TCF20: variants seen among roughly 807,000 people sequenced by gnomAD.
TCF20 encodes SPRE-binding protein.
In TCF20, 3 loss-of-function variants were observed where a neutral mutation model predicts 148.6. That is an observed-to-expected ratio of 0.02 (90% CI 0.01 to 0.05). The LOEUF is 0.05. Ranked by LOEUF, TCF20 falls within the 10% of genes least tolerant of loss-of-function variation. TCF20 has a pLI of 1.00. For missense variants in TCF20, 2,350 were observed against 2,429.3 expected, an observed-to-expected ratio of 0.97 and a Z score of 0.69; for synonymous variants, 1,049 against 909.5, an observed-to-expected ratio of 1.15 and a Z score of -2.76.
intron 1 of TCF20, among the ~76,000 whole-genome samples, chr22:42,223,255 A>C (rs1601618302): frequency 6.6e-6 from 1 of 152,324 alleles, no homozygotes; most frequent in African/African-American, 2.4e-5. Context: ...AAATTAATGT[A>C]ATTTTTTCCA....
At chr22:42,305,055 C>T (rs2147036765) in intron 1 of TCF20, among the ~76,000 whole-genome samples, 1 of 152,014 alleles carries the variant, frequency 6.6e-6, no homozygotes, top group Non-Finnish European at 1.5e-5. Context: ...CACAGCAGAC[C>T]CTCTCCCTGG....
In TCF20 at chr22:42,211,605, C is replaced by G. The variant is rs370419843; in HGVS notation, c.3701G>C (p.Ser1234Thr). ...CTGGCCTGGAAGTCTCAGCATAACA[C>G]TACCAGGTTTGGATGACTGTGTAGC... Reference protein sequence around the residue: ...AEATQSSKPGSVMLRLPGQED... With the variant: ...AEATQSSKPGTVMLRLPGQED... Residue 1234 changes from serine to threonine, a missense_variant, in exon 2 of 6, where the codon AGT becomes ACT. Ser to Thr is a moderately conservative substitution (Grantham distance 58). Transcript: ENST00000677622. The G allele has an allele frequency of 1.2e-6, 2 of 1,614,218 alleles. No individual in the cohort carries two copies. Among genetic ancestry groups the G allele is most frequent in the Non-Finnish European group, 1.7e-6 (2 of 1,180,040 alleles).
intron 1 of TCF20, among the ~76,000 whole-genome samples, chr22:42,325,725 A>G (rs950062871): frequency 6.6e-6 from 1 of 152,206 alleles, no homozygotes; most frequent in Non-Finnish European, 1.5e-5. Context: ...TACGCAGGAC[A>G]GGGAACCATC....
chr22:42,175,581 C>T (rs750943653), intron 3 of TCF20, among the ~76,000 whole-genome samples: 30 of 151,462 alleles, frequency 2.0e-4, no homozygotes, highest in Non-Finnish European at 3.2e-4. Flanking sequence ...CCTTGTGATC[C>T]GCCCACTTCG....
intron 2 of TCF20, among the ~76,000 whole-genome samples, chr22:42,194,303 T>C (rs1321871165): frequency 3.9e-5 from 6 of 152,350 alleles, no homozygotes; most frequent in African/African-American, 1.4e-4. Flanking sequence ...AACAGAATGC[T>C]GGGTCAGCAA....
At chr22:42,204,470 G>A (rs1938252157) in intron 2 of TCF20, among the ~76,000 whole-genome samples, 1 of 152,080 alleles carries the variant, frequency 6.6e-6, no homozygotes, top group Non-Finnish European at 1.5e-5. Context: ...ACTCCAGCCT[G>A]GACAACAGAG....
chr22:42,324,117 GGTGGTT>G (rs1204258739), intron 1 of TCF20, among the ~76,000 whole-genome samples: 3 of 142,942 alleles, frequency 2.1e-5, no homozygotes, highest in African/African-American at 2.6e-5. Context: ...TGGTGGTGGT[GGTGGTT>G]ATGGTGGTGG....
At chr22:42,315,574 G>A (rs1013245236) in intron 1 of TCF20, among the ~76,000 whole-genome samples, 2 of 152,186 alleles carry the variant, frequency 1.3e-5, no homozygotes, top group African/African-American at 4.8e-5. Context: ...CTGGCCATGG[G>A]GCCAACACTG....
chr22:42,189,503 G>A (rs1297080770), intron 2 of TCF20, among the ~76,000 whole-genome samples: 1 of 152,228 alleles, frequency 6.6e-6, no homozygotes, highest in Non-Finnish European at 1.5e-5. Context: ...GTAACTACGA[G>A]AAACCTTTTA....
intron 1 of TCF20, among the ~76,000 whole-genome samples, chr22:42,240,785 G>A (rs1924324173): frequency 6.6e-6 from 1 of 152,078 alleles, no homozygotes; most frequent in Non-Finnish European, 1.5e-5. Flanking sequence ...GACTGAAGTA[G>A]AAGTAAATAA....
intron 1 of TCF20, among the ~76,000 whole-genome samples, chr22:42,295,374 C>CTG (rs1927214056): frequency 6.6e-6 from 1 of 152,108 alleles, no homozygotes; most frequent in African/African-American, 2.4e-5. Flanking sequence ...GGCAAGCCTG[C>CTG]TGCTGCCTTG....
chr22:42,190,404 C>T (rs1937268820), intron 2 of TCF20, among the ~76,000 whole-genome samples: 3 of 152,054 alleles, frequency 2.0e-5, no homozygotes, highest in Admixed American at 2.0e-4. Flanking sequence ...AGGCTGCAGC[C>T]AACTATGATC....
intron 1 of TCF20, among the ~76,000 whole-genome samples, chr22:42,313,015 A>G (rs1215950279): frequency 1.3e-5 from 2 of 152,036 alleles, no homozygotes; most frequent in Admixed American, 6.5e-5. Context: ...GCTTCTTGCA[A>G]TCTTCCCAGC....
In TCF20 at chr22:42,219,882, C is replaced by A. The variant is rs995073037; in HGVS notation, c.-36-4541G>T. ...ATAAATAAATAAAAAAGAGGCCTAC[C>A]GATGTACTTCCCATCCATAATGACT... On this transcript the variant is annotated intron_variant, in intron 1 of 5. Transcript: ENST00000677622. Among the ~76,000 whole-genome samples the A allele has an allele frequency of 3.3e-5, 5 of 152,098 alleles. No homozygotes were observed. The East Asian group carries it at 7.7e-4, about 23-fold the overall frequency.
At chr22:42,229,674 G>C (rs1231252899) in intron 1 of TCF20, among the ~76,000 whole-genome samples, 1 of 152,086 alleles carries the variant, frequency 6.6e-6, no homozygotes, top group Admixed American at 6.6e-5. Flanking sequence ...CAGACCATGC[G>C]CTCCGACCTC....
intron 1 of TCF20, among the ~76,000 whole-genome samples, chr22:42,312,734 G>C (rs553769222): frequency 6.6e-6 from 1 of 152,248 alleles, no homozygotes; most frequent in African/African-American, 2.4e-5. Context: ...CCATCTGCAA[G>C]ATGTGACTGG....
intron 1 of TCF20, among the ~76,000 whole-genome samples, chr22:42,222,017 C>T (rs1192279869): frequency 2.0e-5 from 3 of 152,084 alleles, no homozygotes; most frequent in Non-Finnish European, 4.4e-5. Context: ...GGATTACAGG[C>T]ATGAGCCACC....
chr22:42,160,477 T>A lies in TCF20; in HGVS notation c.*926A>T, dbSNP rs1935364429. On this transcript the variant is annotated 3_prime_UTR_variant, in exon 6 of 6. Transcript: ENST00000677622. ...CCCTGTGGGTCAGGGCACAGCTGCC[T>A]GGAATGTGCTGAGGACAGGGGGCCC... The A allele has an allele frequency of 6.6e-6, 1 of 152,602 alleles. No individual in the cohort carries two copies. The highest frequency in any genetic ancestry group is 1.9e-4 in the East Asian group (1 of 5,170). The allele number at this position is 152,602 out of a possible 1,614,324, so 9.5% of individuals were successfully genotyped here. A position where few individuals can be genotyped will look rare whatever the true frequency, so the allele number is the denominator to read the frequency against.
chr22:42,188,470 G>GT (rs1937166972), intron 2 of TCF20, among the ~76,000 whole-genome samples: 1 of 152,132 alleles, frequency 6.6e-6, no homozygotes, highest in Non-Finnish European at 1.5e-5. Context: ...GAAGAAGGCA[G>GT]TTTGACTTCC....
Sources: gnomAD v4.1 joint callset for allele counts (sites outside exome capture counted in the v4.1 genomes callset) on GRCh38, gnomAD v4.1.1 for gene constraint, MANE v1.5 for transcripts, NCBI Gene and HGNC (gene_info 2026-07-23, HGNC 2026-07-21) for gene names.